The following TOPAZ1 variants were observed in gnomAD, a reference collection of about 807,000 sequenced individuals.
TOPAZ1 encodes testis and ovary specific TOPAZ 1.
In TOPAZ1, 66 loss-of-function variants were observed where a neutral mutation model predicts 172.2. The observed-to-expected ratio is 0.38, with a 90% CI of 0.31 to 0.47. The LOEUF is 0.47. TOPAZ1 is among the 20% of genes least tolerant of loss of function. TOPAZ1 has a pLI of 0.99. For synonymous variants in TOPAZ1, 681 were observed against 683.9 expected, an observed-to-expected ratio of 1.00 and a Z score of 0.07; for missense variants, 1,822 against 1,972.4, an observed-to-expected ratio of 0.92 and a Z score of 1.44.
Position 44,242,392 on chromosome 3 carries a change from A to C in TOPAZ1, c.339A>C (p.Glu113Asp). 1 of 1,552,294 alleles carries C rather than the reference A, an allele frequency of 6.4e-7. No homozygotes were observed. Among genetic ancestry groups the C allele is most frequent in the Non-Finnish European group, 8.7e-7 (1 of 1,147,112 alleles). Reference protein sequence around the residue: ...AKEAELPLQTERHTKEKRKVT... With the variant: ...AKEAELPLQTDRHTKEKRKVT... ...AGGCTGAACTCCCCTTGCAAACGGA[A>C]AGACACAGTAAGAAAGCATCCACGA... Residue 113 changes from glutamate to aspartate, a missense_variant, in exon 1 of 20, where the codon GAA becomes GAC. Around this residue, in one of 2 missense-constraint regions of TOPAZ1, gnomAD observed 1,489 missense variants for 1,490.8 expected, o/e 1.00. Coordinates refer to ENST00000309765, the MANE Select transcript of TOPAZ1 (RefSeq NM_001145030.2).
intron 16 of TOPAZ1, among the ~76,000 whole-genome samples, chr3:44,310,727 C>T (rs951229407): frequency 6.6e-6 from 1 of 152,216 alleles, no homozygotes; most frequent in Non-Finnish European, 1.5e-5. Flanking sequence ...CTTCAGAGCC[C>T]AGGCTTCAGC....
At position 44,256,256 on chromosome 3, in the gene TOPAZ1, A is replaced by G. The variant is rs748040422; in HGVS notation, c.2933A>G (p.Lys978Arg). The part of the protein sequence containing the change: ...ETLGDFSEQI[K>R]GSDLDEKHRF... ...CTGGGAGACTTCAGTGAACAAATAA[A>G]AGGTTCAGACTTGGATGAAAAGGTA... Residue 978 changes from lysine (K) to arginine (R), a missense_variant, in exon 4 of 20, where the codon AAA becomes AGA. Coordinates refer to ENST00000309765, the MANE Select transcript of TOPAZ1 (RefSeq NM_001145030.2). 4.6e-6 allele frequency: 7 copies of G among 1,527,314 alleles called. No individual in the cohort carries two copies. The South Asian group carries it at 8.9e-5, about 19-fold the overall frequency. The allele number at this position is 1,527,314 out of a possible 1,614,324, so 94.6% of individuals were successfully genotyped here.
In TOPAZ1 at chr3:44,245,189, C is replaced by T; in HGVS notation, c.2683C>T (p.Pro895Ser). The change falls in exon 2 of 20, where the codon CCC becomes TCC. Residue 895 changes from proline (P) to serine (S), a missense_variant. This residue lies in a region of TOPAZ1 where 1,489 missense variants were observed against 1,490.8 expected (regional missense o/e 1.00). Coordinates refer to ENST00000309765, the MANE Select transcript of TOPAZ1 (RefSeq NM_001145030.2). ...TSEVPKISQE[P>S]NVAGEHQSTD... ...TGAGGTCCCAAAGATAAGCCAGGAG[C>T]CCAATGTTGCTGGAGAGCACCAATC... is the stretch of plus-strand genomic sequence containing the variant. 1.3e-6 allele frequency: 2 copies of T among 1,551,760 alleles called. No individual in the cohort carries two copies. Among genetic ancestry groups the T allele is most frequent in the Non-Finnish European group, 8.7e-7 (1 of 1,147,006 alleles).
At chr3:44,259,793 TTTTAATATGCA>T (rs1699755038) in intron 4 of TOPAZ1, among the ~76,000 whole-genome samples, 1 of 152,238 alleles carries the variant, frequency 6.6e-6, no homozygotes, top group African/African-American at 2.4e-5. Flanking sequence ...TTTATTTTAG[TTTTAATATGCA>T]TTTCTCTTAT....
Position 44,323,089 on chromosome 3 carries a change from C to T in TOPAZ1, c.4472-3C>T. 6.7e-7 allele frequency: 1 copy of T among 1,501,142 alleles called. No individual in the cohort carries two copies. Among genetic ancestry groups the T allele is most frequent in the Non-Finnish European group, 8.9e-7 (1 of 1,124,694 alleles). The allele number at this position is 1,501,142 out of a possible 1,614,324, so 93.0% of individuals were successfully genotyped here. On this transcript the variant is annotated splice_polypyrimidine_tract_variant and splice_region_variant and intron_variant, in intron 17 of 19. Coordinates refer to ENST00000309765, the MANE Select transcript of TOPAZ1 (RefSeq NM_001145030.2). ...TTTTATTATATCATTTTTTTTATTC[C>T]AGAAACTGTGGAAGTCTCACAATAT... is the stretch of plus-strand genomic sequence containing the variant.
chr3:44,253,983 T>C (rs1293286619), intron 2 of TOPAZ1, among the ~76,000 whole-genome samples: 1 of 152,228 alleles, frequency 6.6e-6, no homozygotes, highest in East Asian at 1.9e-4. Context: ...AAAAATGGAA[T>C]AGTGTTTGGC....
At chr3:44,273,438 T>C (rs1699919187) in intron 8 of TOPAZ1, among the ~76,000 whole-genome samples, 1 of 152,218 alleles carries the variant, frequency 6.6e-6, no homozygotes, top group Non-Finnish European at 1.5e-5. Context: ...TCTCTTTTCC[T>C]CTTTACACTA....
rs113520214 is a variant in TOPAZ1 at position 44,331,762 on chromosome 3, T to G, written c.4860-30T>G. The G allele has an allele frequency of 1.1e-5, 17 of 1,482,998 alleles. No individual in the cohort carries two copies. The African/African-American group carries it at 1.8e-4, about 16-fold the overall frequency. 91.9% of individuals were successfully genotyped at this position (1,482,998 alleles called of 1,614,324 possible). A position where few individuals can be genotyped will look rare whatever the true frequency, so the allele number is the denominator to read the frequency against. ...GAAACTATATAGCTTTTTTAAGAGT[T>G]TCTGACTTTATGAGGTGTTCATTTT... On this transcript the variant is annotated intron_variant, in intron 19 of 19. Transcript: ENST00000309765.
chr3:44,267,679 A>G (rs886843412), intron 6 of TOPAZ1, among the ~76,000 whole-genome samples: 3 of 152,202 alleles, frequency 2.0e-5, no homozygotes, highest in African/African-American at 7.2e-5. Context: ...GGTTATATCT[A>G]AAATATATTT....
intron 12 of TOPAZ1, among the ~76,000 whole-genome samples, chr3:44,301,816 T>C (rs1700275201): frequency 6.6e-6 from 1 of 152,198 alleles, no homozygotes; most frequent in South Asian, 2.1e-4. Flanking sequence ...CAGTTGTCTT[T>C]TGACCTTCTG....
chr3:44,320,257 A>T (rs1402085962), intron 16 of TOPAZ1, among the ~76,000 whole-genome samples: 1 of 149,356 alleles, frequency 6.7e-6, no homozygotes, highest in Non-Finnish European at 1.5e-5. Flanking sequence ...TGTATACAAC[A>T]ACGATTTCAT....
Position 44,243,992 on chromosome 3 carries a change from T to C in TOPAZ1, c.1486T>C (p.Tyr496His), listed in dbSNP as rs761524200. 2 of 1,552,278 alleles carry C rather than the reference T, an allele frequency of 1.3e-6. No individual in the cohort carries two copies. Among genetic ancestry groups the C allele is most frequent in the East Asian group, 2.4e-5 (1 of 40,918 alleles). The change falls in exon 2 of 20, where the codon TAT (tyrosine) becomes CAT (histidine). Residue 496 changes from tyrosine (Y) to histidine (H), a missense_variant. Around this residue, in one of 2 missense-constraint regions of TOPAZ1, gnomAD observed 1,489 missense variants for 1,490.8 expected, o/e 1.00. Coordinates refer to ENST00000309765, the MANE Select transcript of TOPAZ1 (RefSeq NM_001145030.2). The part of the protein sequence containing the change: ...IPMTGKRTWP[Y>H]YSCARISAWC... ...TATGACTGGTAAAAGAACTTGGCCC[T>C]ATTATTCATGTGCTAGAATATCTGC...
In TOPAZ1 at chr3:44,303,905, C is replaced by T. The variant is rs1176233366; in HGVS notation, c.3798-110C>T. On this transcript the variant is annotated intron_variant, in intron 12 of 19. Transcript: ENST00000309765. ...AAGAATGTTTATAGCATATTATATACATTCATTTTTTCTTCTGGTTTCTTA... is the reference window on the plus strand; with the variant it reads ...AAGAATGTTTATAGCATATTATATATATTCATTTTTTCTTCTGGTTTCTTA... 9.0e-6 allele frequency: 5 copies of T among 556,524 alleles called. No homozygotes were observed. The East Asian group carries it at 1.3e-4, about 14-fold the overall frequency. The allele number at this position is 556,524 out of a possible 1,614,324, so 34.5% of individuals were successfully genotyped here.
At chr3:44,286,831 T>A (rs1477312735) in intron 9 of TOPAZ1, among the ~76,000 whole-genome samples, 1 of 152,196 alleles carries the variant, frequency 6.6e-6, no homozygotes, top group African/African-American at 2.4e-5. Context: ...AGGATTTGGA[T>A]GGGCATGAAG....
chr3:44,305,111 T>C (rs1410003290), intron 13 of TOPAZ1, 36 bp from the exon 14 acceptor site: 5 of 1,415,424 alleles, frequency 3.5e-6, no homozygotes, highest in Non-Finnish European at 4.7e-6. Context: ...TTTTCATTCT[T>C]TTTCTTTTTT....
intron 19 of TOPAZ1, 116 bp from the exon 20 acceptor site, chr3:44,331,676 G>C: frequency 1.1e-6 from 1 of 878,752 alleles, no homozygotes; most frequent in East Asian, 2.6e-5. Context: ...ACTTTTAGAA[G>C]AACATGGTGA....
chr3:44,244,574 CCTTTA>C lies in TOPAZ1; in HGVS notation c.2072_2076del (p.Leu691Ter). On this transcript the variant is annotated frameshift_variant, in exon 2 of 20. Transcript: ENST00000309765. LOFTEE classifies it high-confidence loss of function. Reference sequence around the variant, plus strand: ...AGGACGGCTGACTAATTTTAAAATTCCTTTACTTAAGAATAAATCAGAAAAAAGAA... The same window carrying C: ...AGGACGGCTGACTAATTTTAAAATTCCTTAAGAATAAATCAGAAAAAAGAA... 1 of 1,549,654 alleles carries C rather than the reference CCTTTA, an allele frequency of 6.5e-7. No homozygotes were observed. The highest frequency in any genetic ancestry group is 8.7e-7 in the Non-Finnish European group (1 of 1,146,520).
intron 2 of TOPAZ1, among the ~76,000 whole-genome samples, chr3:44,247,206 A>T (rs2125676848): frequency 6.6e-6 from 1 of 152,288 alleles, no homozygotes; most frequent in Non-Finnish European, 1.5e-5. Flanking sequence ...GAAAAATTGG[A>T]TCATGCCATT....
intron 2 of TOPAZ1, among the ~76,000 whole-genome samples, chr3:44,254,412 G>A (rs761386923): frequency 1.3e-5 from 2 of 152,054 alleles, no homozygotes; most frequent in Non-Finnish European, 2.9e-5. Context: ...TGGATCACCT[G>A]AGGTCAGGAG....
Sources: gnomAD v4.1 joint callset for allele counts (sites outside exome capture counted in the v4.1 genomes callset) on GRCh38, gnomAD v4.1.1 for gene constraint, gnomAD v4.1.1 regional missense constraint, MANE v1.5 for transcripts, NCBI Gene and HGNC (gene_info 2026-07-23, HGNC 2026-07-21) for gene names.